ANKRD44: variants seen among roughly 807,000 people sequenced by gnomAD.
ANKRD44 encodes the protein serine/threonine-protein phosphatase 6 regulatory ankyrin repeat subunit B.
A neutral mutation model predicts 116.0 loss-of-function variants in ANKRD44; 35 were observed. The observed-to-expected ratio is 0.30, with a 90% CI of 0.23 to 0.40. The LOEUF (loss-of-function observed/expected upper bound fraction) is 0.40. Among genes scored for constraint, ANKRD44 ranks in the 10% least tolerant of loss-of-function variants. The pLI is 1.00. For synonymous variants in ANKRD44, 435 were observed against 461.8 expected (o/e 0.94, Z 0.74); for missense variants, 1,014 against 1,242.6 (o/e 0.82, Z 2.77).
chr2:196,976,335 G>A (rs1352232811), intron 21 of ANKRD44, among the ~76,000 whole-genome samples: 1 of 151,878 alleles, frequency 6.6e-6, no homozygotes, highest in Non-Finnish European at 1.5e-5. Flanking sequence ...ACTGGGTTTT[G>A]CCAAAATTAT....
intron 17 of ANKRD44, among the ~76,000 whole-genome samples, chr2:197,014,784 C>CA (rs370169126): frequency 0.066 from 8,146 of 123,190 alleles, 465 homozygotes; most frequent in African/African-American, 0.18. Flanking sequence ...ACTCTGTCTC[C>CA]AAAAAAAAAA....
At chr2:197,068,386 A>AG (rs2077482684) in intron 16 of ANKRD44, among the ~76,000 whole-genome samples, 2 of 43,578 alleles carry the variant, frequency 4.6e-5, no homozygotes, top group Non-Finnish European at 2.2e-4. Context: ...AAAGAAAAAA[A>AG]TAAAAAAAAA....
intron 2 of ANKRD44, among the ~76,000 whole-genome samples, chr2:197,154,227 T>C: frequency 6.9e-6 from 1 of 145,188 alleles, no homozygotes; most frequent in Non-Finnish European, 1.5e-5. Context: ...TCGCCCAGGC[T>C]GGAGTGCAGT....
chr2:197,078,868 G>A (rs1443524671), intron 15 of ANKRD44, 54 bp from the exon 16 acceptor site: 24 of 1,557,772 alleles, frequency 1.5e-5, no homozygotes, highest in Non-Finnish European at 2.0e-5. Flanking sequence ...GACTGAAAAA[G>A]ATAATTTATG....
intron 9 of ANKRD44, among the ~76,000 whole-genome samples, chr2:197,103,602 T>C (rs1489949563): frequency 6.6e-6 from 1 of 152,214 alleles, no homozygotes; most frequent in Non-Finnish European, 1.5e-5. Flanking sequence ...TACATACCTA[T>C]ATATGCTAGG....
intron 1 of ANKRD44, among the ~76,000 whole-genome samples, chr2:197,282,746 G>A (rs944328849): frequency 6.6e-6 from 1 of 152,230 alleles, no homozygotes; most frequent in Middle Eastern, 3.4e-3. Flanking sequence ...ATCACCTGAG[G>A]CCAGGAGTTC....
At chr2:197,288,940 T>C (rs1023067058) in intron 1 of ANKRD44, among the ~76,000 whole-genome samples, 1 of 152,172 alleles carries the variant, frequency 6.6e-6, no homozygotes, top group East Asian at 1.9e-4. Context: ...GGTTGGTTAA[T>C]GGGTACTAAC....
intron 4 of ANKRD44, among the ~76,000 whole-genome samples, chr2:197,126,920 C>CGTGATCACAATGAGCT (rs2078989634): frequency 6.6e-6 from 1 of 151,826 alleles, no homozygotes; most frequent in South Asian, 2.1e-4. Context: ...AGGAGTTTGA[C>CGTGATCACAATGAGCT]GTGATCACAA....
intron 16 of ANKRD44, among the ~76,000 whole-genome samples, chr2:197,068,248 T>C (rs2077478047): frequency 7.7e-6 from 1 of 129,382 alleles, no homozygotes; most frequent in Non-Finnish European, 1.6e-5. Context: ...CATTGGGAGA[T>C]ATACCTAATG....
At chr2:197,114,074 G>A (rs549686896) in intron 8 of ANKRD44, among the ~76,000 whole-genome samples, 44 of 152,298 alleles carry the variant, frequency 2.9e-4, no homozygotes, top group African/African-American at 9.4e-4. Context: ...TTAAAAGTTA[G>A]AACTCAGAAC....
intron 1 of ANKRD44, among the ~76,000 whole-genome samples, chr2:197,271,730 A>G (rs1201709003): frequency 2.0e-5 from 3 of 149,874 alleles, no homozygotes; most frequent in Non-Finnish European, 4.5e-5. Context: ...TTCTACCTCA[A>G]CCTCCCTAGT....
intron 16 of ANKRD44, among the ~76,000 whole-genome samples, chr2:197,043,819 T>C (rs1283095305): frequency 1.3e-5 from 2 of 152,114 alleles, no homozygotes; most frequent in Admixed American, 6.5e-5. Context: ...TAATTTAGTG[T>C]ATGGATTAGG....
intron 1 of ANKRD44, among the ~76,000 whole-genome samples, chr2:197,294,178 G>A (rs989582459): frequency 6.6e-6 from 1 of 152,140 alleles, no homozygotes; most frequent in African/African-American, 2.4e-5. Flanking sequence ...GACAGCTTAG[G>A]TACTCGGTCA....
At chr2:197,090,089 A>G in intron 10 of ANKRD44, 57 bp from the exon 11 acceptor site, 1 of 1,322,370 alleles carries the variant, frequency 7.6e-7, no homozygotes, top group Admixed American at 1.7e-5. Context: ...TACATGCGGA[A>G]GGACAATTAC....
chr2:197,209,375 T>A (rs2081278237), intron 1 of ANKRD44, among the ~76,000 whole-genome samples: 1 of 152,238 alleles, frequency 6.6e-6, no homozygotes, highest in South Asian at 2.1e-4. Context: ...ATTCCCCAAC[T>A]GCTCTCAAGT....
chr2:197,162,741 T>C (rs2079999147), intron 2 of ANKRD44, among the ~76,000 whole-genome samples: 1 of 152,178 alleles, frequency 6.6e-6, no homozygotes, highest in African/African-American at 2.4e-5. Context: ...CACATCTAAC[T>C]GCCTGCTTTC....
intron 24 of ANKRD44, 137 bp downstream of exon 24, chr2:196,998,770 G>T (rs963285435): frequency 7.5e-6 from 9 of 1,195,962 alleles, no homozygotes; most frequent in Middle Eastern, 2.9e-4. Flanking sequence ...TGAGCAGGTA[G>T]AATCAGGTGA....
intron 1 of ANKRD44, among the ~76,000 whole-genome samples, chr2:197,190,909 A>G (rs1378791715): frequency 2.0e-5 from 3 of 152,218 alleles, no homozygotes; most frequent in Non-Finnish European, 4.4e-5. Context: ...TAGCACTAGC[A>G]TATATAACAC....
intron 21 of ANKRD44, among the ~76,000 whole-genome samples, chr2:197,004,042 T>A (rs2125904766): frequency 6.6e-6 from 1 of 152,286 alleles, no homozygotes; most frequent in African/African-American, 2.4e-5. Flanking sequence ...TAAATTAAAA[T>A]TTTAATTGAC....
Sources: gnomAD v4.1 joint callset for allele counts (sites outside exome capture counted in the v4.1 genomes callset) on GRCh38, gnomAD v4.1.1 for gene constraint, MANE v1.5 for transcripts, NCBI Gene and HGNC (gene_info 2026-07-23, HGNC 2026-07-21) for gene names.